The following GPC5 variants were observed in gnomAD, a reference collection of about 807,000 sequenced individuals.
GPC5 encodes the protein glypican-5.
Under a neutral mutation model 53.9 loss-of-function variants are expected in GPC5, and 47 were observed. That is an observed-to-expected ratio of 0.87 (90% CI 0.69 to 1.11). The LOEUF (loss-of-function observed/expected upper bound fraction) is 1.11, where lower values mean the gene tolerates loss of function less well. Ranked by LOEUF, GPC5 falls within the 50% of genes most tolerant of loss-of-function variation. The pLI, the probability that GPC5 is intolerant of heterozygous loss-of-function variation, is 0.00. For missense variants in GPC5, 748 were observed against 713.1 expected (o/e 1.05, Z -0.56); for synonymous variants, 286 against 263.3 (o/e 1.09, Z -0.84).
At chr13:92,703,648 TAA>T (rs1444572827) in intron 7 of GPC5, among the ~76,000 whole-genome samples, 7 of 150,136 alleles carry the variant, frequency 4.7e-5, no homozygotes, top group Admixed American at 1.3e-4. Flanking sequence ...TAAGATGTTA[TAA>T]GTTTATTTAA....
chr13:91,419,048 T>C (rs1878427505), intron 1 of GPC5, among the ~76,000 whole-genome samples: 1 of 152,116 alleles, frequency 6.6e-6, no homozygotes, highest in Non-Finnish European at 1.5e-5. Flanking sequence ...ATTCATATGA[T>C]GTATACTTCT....
intron 7 of GPC5, among the ~76,000 whole-genome samples, chr13:92,398,425 T>A (rs186204976): frequency 0.097 from 6,564 of 67,582 alleles, 210 homozygotes; most frequent in East Asian, 0.35. Flanking sequence ...CGAGACTCCG[T>A]CTCAAAAAAA....
At chr13:91,583,263 AC>A (rs369144209) in intron 2 of GPC5, among the ~76,000 whole-genome samples, 13 of 152,204 alleles carry the variant, frequency 8.5e-5, no homozygotes, top group Admixed American at 3.3e-4. Context: ...AAAGGAACAA[AC>A]AAAACTATTA....
At chr13:91,787,936 A>G (rs2037903962) in intron 5 of GPC5, among the ~76,000 whole-genome samples, 1 of 152,338 alleles carries the variant, frequency 6.6e-6, no homozygotes, top group South Asian at 2.1e-4. Flanking sequence ...ATATTTATGC[A>G]TGAAAGAAAC....
chr13:91,763,365 C>CTGAAATGT (rs1488144260), intron 5 of GPC5, among the ~76,000 whole-genome samples: 1 of 152,036 alleles, frequency 6.6e-6, no homozygotes. Context: ...CCCCATGAAT[C>CTGAAATGT]TGAAATGTTT....
At chr13:92,406,868 A>C (rs1478827487) in intron 7 of GPC5, among the ~76,000 whole-genome samples, 1 of 152,192 alleles carries the variant, frequency 6.6e-6, no homozygotes, top group Non-Finnish European at 1.5e-5. Context: ...TGAAGAATAA[A>C]ATTTTAATAT....
At chr13:91,778,400 C>T (rs748397595) in intron 5 of GPC5, among the ~76,000 whole-genome samples, 4 of 152,154 alleles carry the variant, frequency 2.6e-5, no homozygotes, top group Non-Finnish European at 5.9e-5. Flanking sequence ...TTATAAGTTT[C>T]GTGTCCTGAC....
chr13:91,807,412 C>T (rs2038239428), intron 5 of GPC5, among the ~76,000 whole-genome samples: 1 of 152,094 alleles, frequency 6.6e-6, no homozygotes, highest in Non-Finnish European at 1.5e-5. Context: ...GTAGAGGAGG[C>T]ACATTGGAGT....
intron 6 of GPC5, among the ~76,000 whole-genome samples, chr13:91,974,911 C>A (rs2040283250): frequency 6.6e-6 from 1 of 152,100 alleles, no homozygotes; most frequent in African/African-American, 2.4e-5. Context: ...GGCACTGGTA[C>A]CAAAACAGAG....
chr13:92,300,167 A>T (rs1377685562), intron 7 of GPC5, among the ~76,000 whole-genome samples: 2 of 152,136 alleles, frequency 1.3e-5, no homozygotes, highest in Non-Finnish European at 2.9e-5. Context: ...AGAACAATGG[A>T]TATTGTCTCG....
chr13:91,800,612 T>C (rs2038118905), intron 5 of GPC5, among the ~76,000 whole-genome samples: 1 of 152,146 alleles, frequency 6.6e-6, no homozygotes, highest in Admixed American at 6.6e-5. Flanking sequence ...TTGTGCAGAG[T>C]ACATAATATG....
At chr13:91,638,263 T>G (rs1475673793) in intron 2 of GPC5, among the ~76,000 whole-genome samples, 1 of 152,226 alleles carries the variant, frequency 6.6e-6, no homozygotes, top group Non-Finnish European at 1.5e-5. Context: ...AAGACTTTCT[T>G]GTGTTTTCTC....
At chr13:91,682,526 G>A (rs2035530901) in intron 2 of GPC5, among the ~76,000 whole-genome samples, 1 of 152,158 alleles carries the variant, frequency 6.6e-6, no homozygotes, top group South Asian at 2.1e-4. Flanking sequence ...CATGGGACTA[G>A]CATCTAATTA....
chr13:92,128,786 A>G (rs993654782), intron 6 of GPC5, among the ~76,000 whole-genome samples: 36 of 152,108 alleles, frequency 2.4e-4, no homozygotes, highest in African/African-American at 8.2e-4. Flanking sequence ...AACATGGTGA[A>G]ACCCCATCTC....
intron 6 of GPC5, among the ~76,000 whole-genome samples, chr13:91,937,570 C>G (rs763260534): frequency 6.6e-6 from 1 of 151,988 alleles, no homozygotes; most frequent in Non-Finnish European, 1.5e-5. Flanking sequence ...CTTGCAGATA[C>G]TGTTTTCCAG....
At chr13:92,564,950 G>T (rs981392980) in intron 7 of GPC5, among the ~76,000 whole-genome samples, 3 of 151,904 alleles carry the variant, frequency 2.0e-5, no homozygotes, top group African/African-American at 7.3e-5. Context: ...TTTACAATTG[G>T]CAAATCAAAG....
intron 7 of GPC5, among the ~76,000 whole-genome samples, chr13:92,379,104 C>A (rs2043717623): frequency 6.6e-6 from 1 of 152,124 alleles, no homozygotes; most frequent in African/African-American, 2.4e-5. Context: ...ACTTGTGAAA[C>A]CAGTTTATTA....
chr13:92,337,425 T>G (rs1284125671), intron 7 of GPC5, among the ~76,000 whole-genome samples: 1 of 152,164 alleles, frequency 6.6e-6, no homozygotes, highest in East Asian at 1.9e-4. Flanking sequence ...TATTTTATAT[T>G]GTCAGGATGA....
At chr13:92,219,012 ATCT>A (rs760982289) in intron 7 of GPC5, among the ~76,000 whole-genome samples, 11 of 152,126 alleles carry the variant, frequency 7.2e-5, no homozygotes, top group Non-Finnish European at 1.3e-4. Flanking sequence ...TAAATGGATA[ATCT>A]TCTACTTTCC....
Sources: allele counts gnomAD v4.1 joint callset (sites outside exome capture counted in the v4.1 genomes callset), GRCh38; gene constraint gnomAD v4.1.1; transcripts MANE v1.5; gene names NCBI Gene and HGNC (gene_info 2026-07-23, HGNC 2026-07-21).